The following FRYL variants were observed in gnomAD, a reference collection of about 807,000 sequenced individuals.
FRYL encodes the protein protein furry homolog-like.
A neutral mutation model predicts 351.2 loss-of-function variants in FRYL; 150 were observed. The ratio of observed to expected loss-of-function variants is 0.43; its 90% CI spans 0.37 to 0.49. The LOEUF is 0.49. FRYL is among the 20% of genes least tolerant of loss of function. FRYL has a pLI of 0.00. For missense variants in FRYL, 3,036 were observed against 3,619.3 expected (o/e 0.84, Z 4.13); for synonymous variants, 1,153 against 1,257.1 (o/e 0.92, Z 1.75).
intron 1 of FRYL, among the ~76,000 whole-genome samples, chr4:48,744,961 A>G (rs189778452): frequency 6.6e-6 from 1 of 152,230 alleles, no homozygotes; most frequent in Non-Finnish European, 1.5e-5. Context: ...AGGATAATAG[A>G]TGTCCCAGTA....
At position 48,605,787 on chromosome 4, in the gene FRYL, T is replaced by C. The variant is rs1328736792; in HGVS notation, c.788A>G (p.His263Arg). ...CTCCACAAATAAACCAGCAAGTGCATGTTTTATATCTTTATCTTTCACTTC... is the reference window on the plus strand; with the variant it reads ...CTCCACAAATAAACCAGCAAGTGCACGTTTTATATCTTTATCTTTCACTTC... ...FLEVKDKDIK[H>R]ALAGLFVEIL... Residue 263 changes from histidine (H) to arginine (R), a missense_variant, in exon 11 of 64, where the codon CAT becomes CGT. Around this residue, in one of 7 missense-constraint regions of FRYL, gnomAD observed 457 missense variants for 566.6 expected, o/e 0.81. Transcript: ENST00000358350. 1 of 1,609,298 alleles carries C rather than the reference T, an allele frequency of 6.2e-7. No individual in the cohort carries two copies. Among genetic ancestry groups the C allele is most frequent in the Non-Finnish European group, 8.5e-7 (1 of 1,176,176 alleles).
intron 3 of FRYL, among the ~76,000 whole-genome samples, chr4:48,676,425 C>T (rs529366659): frequency 5.3e-5 from 8 of 152,316 alleles, no homozygotes; most frequent in East Asian, 1.9e-4. Context: ...TAACACTCAC[C>T]GCGAGGGTCC....
chr4:48,673,708 T>C (rs1763090240), intron 3 of FRYL, among the ~76,000 whole-genome samples: 2 of 152,236 alleles, frequency 1.3e-5, no homozygotes. Context: ...CAAATAATTT[T>C]AAGTTCCCAG....
At chr4:48,719,475 G>A (rs560700201) in intron 1 of FRYL, among the ~76,000 whole-genome samples, 52 of 151,740 alleles carry the variant, frequency 3.4e-4, no homozygotes, top group African/African-American at 1.2e-3. Flanking sequence ...ACCATTATTA[G>A]TATCAAGTAT....
At chr4:48,656,489 C>G (rs1371673390) in intron 3 of FRYL, among the ~76,000 whole-genome samples, 2 of 123,380 alleles carry the variant, frequency 1.6e-5, no homozygotes, top group Non-Finnish European at 3.2e-5. Flanking sequence ...GTAATGTATA[C>G]ATATATGCAT....
Position 48,549,487 on chromosome 4 carries a change from T to C in FRYL, c.4770A>G (p.Gly1590=), listed in dbSNP as rs1391988451. The C allele has an allele frequency of 6.2e-7, 1 of 1,612,712 alleles. No homozygotes were observed. Among genetic ancestry groups the C allele is most frequent in the Non-Finnish European group, 8.5e-7 (1 of 1,179,276 alleles). ...VDYVPETSSP[G]LPLHRCNIAV... is the part of the protein sequence containing the mutation. ...CTGTAGTCCACCTGTGAAGAGGTAA[T>C]CCAGGTGATGACGTTTCAGGCACGT... is the stretch of plus-strand genomic sequence containing the variant. The change falls in exon 39 of 64, where the codon GGA becomes GGG. Residue 1590 remains glycine (G), a synonymous_variant. Coordinates refer to ENST00000358350, the MANE Select transcript of FRYL (RefSeq NM_015030.2). This position sits in a 1 kb window ranked among gnomAD's most constrained non-coding sequence, Gnocchi z 4.2.
chr4:48,737,036 T>C (rs1771510588), intron 1 of FRYL, among the ~76,000 whole-genome samples: 1 of 151,456 alleles, frequency 6.6e-6, no homozygotes. Flanking sequence ...TCCCAGCACT[T>C]TGGGAGGCTG....
At chr4:48,643,042 T>A (rs573992140) in intron 3 of FRYL, among the ~76,000 whole-genome samples, 1 of 152,312 alleles carries the variant, frequency 6.6e-6, no homozygotes, top group East Asian at 1.9e-4. Context: ...TCCCCTGATA[T>A]AAATATTCAC....
At chr4:48,546,369 A>C (rs1731336911) in intron 41 of FRYL, 98 bp from the exon 42 acceptor site, 3 of 914,000 alleles carry the variant, frequency 3.3e-6, no homozygotes, top group Non-Finnish European at 5.1e-6. Context: ...TATGGGACAC[A>C]TGAGGCAATC....
chr4:48,640,758 A>T (rs1335167687), intron 3 of FRYL, among the ~76,000 whole-genome samples: 1 of 152,188 alleles, frequency 6.6e-6, no homozygotes, highest in Non-Finnish European at 1.5e-5. Context: ...TTTCTACTCA[A>T]GTTTTCTGTA....
chr4:48,609,241 T>A (rs1281978357), intron 8 of FRYL, among the ~76,000 whole-genome samples, 174 bp from the exon 9 acceptor site: 1 of 152,238 alleles, frequency 6.6e-6, no homozygotes, highest in Non-Finnish European at 1.5e-5. Flanking sequence ...TTACTATATT[T>A]AACCTTCTGG....
chr4:48,575,660 C>T (rs545152034), intron 24 of FRYL, among the ~76,000 whole-genome samples: 13 of 152,128 alleles, frequency 8.5e-5, no homozygotes, highest in Non-Finnish European at 1.6e-4. Context: ...TAGATCACTA[C>T]GTAATTTAGG....
chr4:48,612,570 G>A (rs1410654981), intron 7 of FRYL, among the ~76,000 whole-genome samples: 8 of 151,524 alleles, frequency 5.3e-5, no homozygotes, highest in Non-Finnish European at 1.2e-4. Context: ...TGTTACAACT[G>A]TTCTATTTTT....
chr4:48,718,271 A>T (rs1227888913), intron 1 of FRYL, among the ~76,000 whole-genome samples: 1 of 151,694 alleles, frequency 6.6e-6, no homozygotes, highest in Non-Finnish European at 1.5e-5. Context: ...CTAAACATTA[A>T]ATCATGTAAT....
At chr4:48,696,811 A>G (rs113849911) in intron 2 of FRYL, among the ~76,000 whole-genome samples, 2,114 of 151,570 alleles carry the variant, frequency 0.014, 24 homozygotes, top group Non-Finnish European at 0.024. Flanking sequence ...AAAAAAAAAC[A>G]TAAGCCCAGT....
intron 59 of FRYL, chr4:48,506,588 T>A (rs1249141948): frequency 6.5e-5 from 9 of 137,422 alleles, no homozygotes; most frequent in South Asian, 2.4e-4. Flanking sequence ...TTCTTTTTTT[T>A]AAATTATACT....
intron 13 of FRYL, among the ~76,000 whole-genome samples, chr4:48,596,215 A>G (rs1451109667): frequency 6.6e-6 from 1 of 152,110 alleles, no homozygotes; most frequent in Non-Finnish European, 1.5e-5. Flanking sequence ...CAAAATGCTA[A>G]AATTTTATTT....
At chr4:48,606,052 TG>T in intron 10 of FRYL, among the ~76,000 whole-genome samples, 1 of 136,462 alleles carries the variant, frequency 7.3e-6, no homozygotes, top group African/African-American at 2.8e-5. Context: ...GGTGAGGAGT[TG>T]GAGACCAGCC....
chr4:48,710,490 T>C (rs1767884770), intron 2 of FRYL, 29 bp downstream of exon 2: 2 of 398,502 alleles, frequency 5.0e-6, no homozygotes, highest in Non-Finnish European at 8.8e-6. Flanking sequence ...AAAGAAGGCC[T>C]AGAAAAGAGG....
Sources: allele counts gnomAD v4.1 joint callset (sites outside exome capture counted in the v4.1 genomes callset), GRCh38; gene constraint gnomAD v4.1.1; regional missense constraint gnomAD v4.1.1; non-coding constraint Gnocchi (gnomAD v3.1); transcripts MANE v1.5; gene names NCBI Gene and HGNC (gene_info 2026-07-23, HGNC 2026-07-21).